The following CWC27 variants were observed in gnomAD, a reference collection of about 807,000 sequenced individuals.
CWC27 encodes the protein spliceosome-associated protein CWC27 homolog.
Under a neutral mutation model 63.6 loss-of-function variants are expected in CWC27, and 47 were observed. The ratio of observed to expected loss-of-function variants is 0.74; its 90% CI spans 0.58 to 0.94. The LOEUF is 0.94. Among genes scored for constraint, CWC27 ranks in the 40% least tolerant of loss-of-function variants. The probability of loss-of-function intolerance (pLI) is 0.00; values close to 1 mark genes in which losing one functional copy is unlikely to be tolerated. For missense variants in CWC27, 495 were observed against 554.3 expected (o/e 0.89, Z 1.07); for synonymous variants, 175 against 179.8 (o/e 0.97, Z 0.22).
chr5:64,780,553 A>G (rs571364431), intron 2 of CWC27, among the ~76,000 whole-genome samples: 6 of 148,312 alleles, frequency 4.0e-5, no homozygotes, highest in Non-Finnish European at 8.9e-5. Flanking sequence ...TAATTTATAT[A>G]TCAAACAATA....
chr5:64,900,673 T>C (rs1454907267), intron 11 of CWC27, among the ~76,000 whole-genome samples: 3 of 152,136 alleles, frequency 2.0e-5, no homozygotes, highest in Non-Finnish European at 4.4e-5. Flanking sequence ...TTTTAGAAAT[T>C]TTGTAGTTTT....
At chr5:64,896,684 A>T (rs935282987) in intron 11 of CWC27, among the ~76,000 whole-genome samples, 6 of 152,022 alleles carry the variant, frequency 3.9e-5, no homozygotes, top group African/African-American at 1.4e-4. Flanking sequence ...AGGAAAAAAA[A>T]AAATCAACCC....
chr5:64,991,022 A>T (rs774028659), intron 13 of CWC27, among the ~76,000 whole-genome samples: 4 of 152,240 alleles, frequency 2.6e-5, no homozygotes, highest in Non-Finnish European at 5.9e-5. Context: ...ACTCATTCCC[A>T]TTGATTTATT....
intron 2 of CWC27, among the ~76,000 whole-genome samples, chr5:64,775,005 A>G (rs545690638): frequency 2.0e-5 from 3 of 152,310 alleles, no homozygotes; most frequent in South Asian, 2.1e-4. Flanking sequence ...GTTTATCTCA[A>G]CAAATAATAC....
At chr5:64,899,737 G>A (rs1240077929) in intron 11 of CWC27, among the ~76,000 whole-genome samples, 6 of 152,154 alleles carry the variant, frequency 3.9e-5, no homozygotes, top group South Asian at 4.1e-4. Flanking sequence ...ATGTTTTGAC[G>A]TATGTCTATA....
At chr5:64,798,481 C>A (rs926158131) in intron 7 of CWC27, among the ~76,000 whole-genome samples, 1 of 152,134 alleles carries the variant, frequency 6.6e-6, no homozygotes, top group African/African-American at 2.4e-5. Context: ...GCTTTTTCAT[C>A]ACTCCTTAGT....
At chr5:64,826,957 A>G (rs1745379525) in intron 10 of CWC27, among the ~76,000 whole-genome samples, 1 of 152,146 alleles carries the variant, frequency 6.6e-6, no homozygotes, top group Admixed American at 6.5e-5. Flanking sequence ...GCAAATCAGC[A>G]TATTCTTCTC....
chr5:64,885,577 C>T, intron 11 of CWC27, 31 bp downstream of exon 11: 4 of 1,460,458 alleles, frequency 2.7e-6, no homozygotes, highest in Non-Finnish European at 3.8e-6. Context: ...TATTTTTTCA[C>T]TTGATACTCC....
chr5:64,844,528 A>G (rs1221608008), intron 10 of CWC27, among the ~76,000 whole-genome samples: 1 of 152,202 alleles, frequency 6.6e-6, no homozygotes, highest in African/African-American at 2.4e-5. Flanking sequence ...CCCATTTTGG[A>G]GAAGTGAAGG....
intron 11 of CWC27, among the ~76,000 whole-genome samples, chr5:64,931,681 C>T (rs1748239662): frequency 6.6e-6 from 1 of 151,838 alleles, no homozygotes; most frequent in Non-Finnish European, 1.5e-5. Flanking sequence ...AGTATGTTTC[C>T]TTCCTGTACA....
chr5:64,819,820 C>T (rs754794982), intron 10 of CWC27, among the ~76,000 whole-genome samples: 4 of 152,124 alleles, frequency 2.6e-5, no homozygotes, highest in African/African-American at 4.8e-5. Context: ...GGACTCTTGC[C>T]TTTAGAAAGG....
intron 7 of CWC27, among the ~76,000 whole-genome samples, chr5:64,796,174 G>A (rs1744259501): frequency 6.6e-6 from 1 of 151,972 alleles, no homozygotes; most frequent in Non-Finnish European, 1.5e-5. Flanking sequence ...AGTTTTTCTG[G>A]TTCTGTGCTG....
At chr5:64,835,192 CA>C (rs1745629543) in intron 10 of CWC27, among the ~76,000 whole-genome samples, 1 of 151,720 alleles carries the variant, frequency 6.6e-6, no homozygotes. Flanking sequence ...ATGATTTCCA[CA>C]AAAATTATTC....
chr5:64,871,570 C>T (rs1408390513), intron 10 of CWC27, among the ~76,000 whole-genome samples: 1 of 152,098 alleles, frequency 6.6e-6, no homozygotes, highest in African/African-American at 2.4e-5. Context: ...GAGAATGAAG[C>T]AGAGCTGAGA....
chr5:64,971,497 A>T (rs1467205489), intron 11 of CWC27, among the ~76,000 whole-genome samples: 1 of 152,232 alleles, frequency 6.6e-6, no homozygotes, highest in African/African-American at 2.4e-5. Context: ...ATATATGTAT[A>T]TCAACTCATA....
intron 13 of CWC27, among the ~76,000 whole-genome samples, chr5:65,016,897 T>C (rs986504604): frequency 1.3e-5 from 2 of 152,110 alleles, no homozygotes; most frequent in Admixed American, 6.5e-5. Flanking sequence ...CATATTTGGG[T>C]TTCATCTGAA....
intron 1 of CWC27, among the ~76,000 whole-genome samples, chr5:64,772,520 A>C (rs1430026010): frequency 6.7e-6 from 1 of 148,860 alleles, no homozygotes; most frequent in Non-Finnish European, 1.5e-5. Flanking sequence ...CCAGCTACTC[A>C]GGAGGCTAAG....
At chr5:64,999,259 A>C (rs1749690154) in intron 13 of CWC27, among the ~76,000 whole-genome samples, 2 of 152,104 alleles carry the variant, frequency 1.3e-5, no homozygotes, top group Admixed American at 6.6e-5. Flanking sequence ...ATAAATAATA[A>C]TTGCACATAT....
chr5:64,965,006 T>A (rs1334996042), intron 11 of CWC27, among the ~76,000 whole-genome samples: 1 of 152,158 alleles, frequency 6.6e-6, no homozygotes, highest in Admixed American at 6.5e-5. Flanking sequence ...CCTGAATCAC[T>A]TGAACCCGGG....
Sources: gnomAD v4.1 joint callset for allele counts (sites outside exome capture counted in the v4.1 genomes callset) on GRCh38, gnomAD v4.1.1 for gene constraint, MANE v1.5 for transcripts, NCBI Gene and HGNC (gene_info 2026-07-23, HGNC 2026-07-21) for gene names.